MICAL2: variants seen among roughly 807,000 people sequenced by gnomAD.
The protein encoded by MICAL2 is microtubule associated monooxygenase, calponin and LIM domain containing 2.
Under a neutral mutation model 127.3 loss-of-function variants are expected in MICAL2, and 77 were observed. That is an observed-to-expected ratio of 0.60 (90% confidence interval 0.50 to 0.73). MICAL2 has a LOEUF of 0.73. MICAL2 is among the 30% of genes least tolerant of loss of function. The probability of loss-of-function intolerance (pLI) is 0.00; values close to 1 mark genes in which losing one functional copy is unlikely to be tolerated. For synonymous variants in MICAL2, 570 were observed against 551.1 expected (o/e 1.03, Z -0.48); for missense variants, 1,351 against 1,434.4 (o/e 0.94, Z 0.94).
chr11:12,204,187 TG>T, intron 3 of MICAL2, 62 bp from the exon 4 acceptor site: 2 of 1,504,002 alleles, frequency 1.3e-6, no homozygotes, highest in East Asian at 2.3e-5. Context: ...TCCTGCTGAC[TG>T]GGGGTTCGTG....
chr11:12,338,453 C>T (rs558459358), intron 32 of MICAL2, among the ~76,000 whole-genome samples: 52 of 152,220 alleles, frequency 3.4e-4, no homozygotes, highest in African/African-American at 1.2e-3. Context: ...AGCCCATTTA[C>T]GTTTAAGGGT....
chr11:12,322,153 A>G (rs1460547320), intron 30 of MICAL2, among the ~76,000 whole-genome samples: 1 of 152,182 alleles, frequency 6.6e-6, no homozygotes, highest in Non-Finnish European at 1.5e-5. Flanking sequence ...TTAGTACAGT[A>G]TCTGGCATAT....
intron 24 of MICAL2, among the ~76,000 whole-genome samples, chr11:12,258,240 C>G (rs1375010599): frequency 6.6e-6 from 1 of 152,126 alleles, no homozygotes; most frequent in Non-Finnish European, 1.5e-5. Context: ...CCGGGAGCCC[C>G]CCATTGCTGG....
At chr11:12,288,361 C>G (rs1275798630), downstream of MICAL2, among the ~76,000 whole-genome samples, 1 of 152,210 alleles carries the variant, frequency 6.6e-6, no homozygotes, top group East Asian at 1.9e-4. Context: ...GCCCACTCTA[C>G]TGTGTGCCAC....
intron 33 of MICAL2, among the ~76,000 whole-genome samples, chr11:12,353,982 C>T (rs7101744): frequency 0.56 from 85,723 of 152,166 alleles, 27,364 homozygotes; most frequent in East Asian, 0.79. Flanking sequence ...CATTGCTTCT[C>T]CCGGGCCTAT....
intron 26 of MICAL2, chr11:12,261,589 T>C (rs1269106485): frequency 4.1e-6 from 4 of 985,386 alleles, no homozygotes; most frequent in Non-Finnish European, 4.8e-6. Flanking sequence ...TGTGGAGTTA[T>C]CACTAGAGAT....
chr11:12,294,516 C>T, downstream of MICAL2: 1 of 1,614,138 alleles, frequency 6.2e-7, no homozygotes, highest in Non-Finnish European at 8.5e-7. Context: ...CTTAGGTCCC[C>T]ACCCTGCAGC....
rs1168386702 is a variant in MICAL2, at chr11:12,262,533, C to G, written c.*13C>G. 2 of 1,612,116 alleles carry G rather than the reference C, an allele frequency of 1.2e-6. No individual in the cohort carries two copies. The highest frequency in any genetic ancestry group is 1.7e-6 in the Non-Finnish European group (2 of 1,178,268). On this transcript the variant is annotated 3_prime_UTR_variant, in exon 27 of 28. Coordinates refer to ENST00000683283, the MANE Select transcript of MICAL2 (RefSeq NM_001282663.2). ...ACTTCTTGGCTGACACACTTCTGCT[C>G]TAAGGTGACTGGTTTTCTTGCCAAT...
chr11:12,281,836 T>C (rs776711312), intron 2 of MICAL2, among the ~76,000 whole-genome samples: 1 of 152,190 alleles, frequency 6.6e-6, no homozygotes, highest in African/African-American at 2.4e-5. Flanking sequence ...CCAGCTTGTG[T>C]TTAATACAAA....
At chr11:12,192,305 C>T (rs1590271259) in intron 3 of MICAL2, among the ~76,000 whole-genome samples, 1 of 152,308 alleles carries the variant, frequency 6.6e-6, no homozygotes, top group South Asian at 2.1e-4. Context: ...GGCACCCAGG[C>T]TCCAGGTGGG....
At chr11:12,279,555 C>T (rs1011677303) in intron 1 of MICAL2, among the ~76,000 whole-genome samples, 33 of 152,176 alleles carry the variant, frequency 2.2e-4, no homozygotes, top group African/African-American at 7.2e-4. Flanking sequence ...AGGCAGAAAC[C>T]CAACTCAAAC....
At chr11:12,151,425 C>G (rs1424307310) in intron 2 of MICAL2, among the ~76,000 whole-genome samples, 1 of 152,196 alleles carries the variant, frequency 6.6e-6, no homozygotes, top group Non-Finnish European at 1.5e-5. Flanking sequence ...GGAATGCCTT[C>G]TGATCCAGGC....
intron 32 of MICAL2, among the ~76,000 whole-genome samples, chr11:12,344,862 A>G (rs1589921012): frequency 1.3e-5 from 2 of 151,136 alleles, no homozygotes; most frequent in Admixed American, 6.6e-5. Flanking sequence ...TAATCCCAGC[A>G]TTTTGGGAGG....
intron 2 of MICAL2, among the ~76,000 whole-genome samples, chr11:12,139,729 T>C (rs1852168036): frequency 6.6e-6 from 1 of 152,184 alleles, no homozygotes; most frequent in Non-Finnish European, 1.5e-5. Flanking sequence ...GTCCCCTCTC[T>C]GGAGAAACAG....
chr11:12,257,751 C>A (rs1862511650), intron 24 of MICAL2, among the ~76,000 whole-genome samples: 1 of 152,200 alleles, frequency 6.6e-6, no homozygotes, highest in Non-Finnish European at 1.5e-5. Flanking sequence ...TCATGCCTGG[C>A]ATACAGTCAT....
At chr11:12,258,200 C>T (rs534739886) in intron 24 of MICAL2, among the ~76,000 whole-genome samples, 1 of 152,280 alleles carries the variant, frequency 6.6e-6, no homozygotes, top group Non-Finnish European at 1.5e-5. Flanking sequence ...CTACGGGAGC[C>T]GGCATGGTTT....
chr11:12,294,931 A>G (rs1192173223), downstream of MICAL2: 7 of 1,383,652 alleles, frequency 5.1e-6, no homozygotes, highest in African/African-American at 1.5e-5. Flanking sequence ...ATCGACAAGC[A>G]GGCATCTTTC....
At chr11:12,168,556 A>G (rs1855833169) in intron 3 of MICAL2, among the ~76,000 whole-genome samples, 1 of 151,874 alleles carries the variant, frequency 6.6e-6, no homozygotes, top group Admixed American at 6.6e-5. Context: ...TTCTTTACAT[A>G]GACACATATA....
intron 3 of MICAL2, among the ~76,000 whole-genome samples, chr11:12,163,143 C>A (rs984145155): frequency 5.3e-5 from 8 of 152,134 alleles, no homozygotes; most frequent in Admixed American, 5.2e-4. Flanking sequence ...TGGTTGCATC[C>A]CCCATCATTT....
Sources: gnomAD v4.1 joint callset for allele counts (sites outside exome capture counted in the v4.1 genomes callset) on GRCh38, gnomAD v4.1.1 for gene constraint, MANE v1.5 for transcripts, NCBI Gene and HGNC (gene_info 2026-07-23, HGNC 2026-07-21) for gene names.